ARRB1: variants seen among roughly 807,000 people sequenced by gnomAD.
The protein encoded by ARRB1 is beta-arrestin-1.
In ARRB1, 21 loss-of-function variants were observed where a neutral mutation model predicts 56.8. The ratio of observed to expected loss-of-function variants is 0.37; its 90% CI spans 0.26 to 0.53. The LOEUF is 0.53. Among genes scored for constraint, ARRB1 ranks in the 20% least tolerant of loss-of-function variants. The probability of loss-of-function intolerance (pLI) is 0.88; values close to 1 mark genes in which losing one functional copy is unlikely to be tolerated. For synonymous variants in ARRB1, 210 were observed against 218.6 expected (o/e 0.96, Z 0.35); for missense variants, 424 against 553.7 (o/e 0.77, Z 2.35).
At chr11:75,310,472 T>C (rs1947132842) in intron 1 of ARRB1, among the ~76,000 whole-genome samples, 1 of 152,158 alleles carries the variant, frequency 6.6e-6, no homozygotes, top group African/African-American at 2.4e-5. Context: ...GAGCCTTTGG[T>C]CACCATGCTA....
At chr11:75,342,467 C>T (rs1484009402) in intron 1 of ARRB1, among the ~76,000 whole-genome samples, 1 of 152,158 alleles carries the variant, frequency 6.6e-6, no homozygotes, top group Non-Finnish European at 1.5e-5. Context: ...AGTGGGGAGC[C>T]GATGGGGAGC....
chr11:75,261,914 CTG>C lies in ARRB1; in HGVS notation c.*4247_*4248del, dbSNP rs1270402235. On this transcript the variant is annotated 3_prime_UTR_variant, in exon 16 of 16. Coordinates refer to ENST00000420843, the MANE Select transcript of ARRB1 (RefSeq NM_004041.5). The stretch of plus-strand genomic sequence containing the variant: ...CATGAGACCCTATAAGAGTGTAAGA[CTG>C]GGACCTAACCCCTTCCTCCTGGATG... The C allele has an allele frequency of 6.6e-6, 1 of 152,234 alleles. No individual in the cohort carries two copies. The highest frequency in any genetic ancestry group is 1.5e-5 in the Non-Finnish European group (1 of 68,046). 9.4% of individuals were successfully genotyped at this position (152,234 alleles called of 1,614,324 possible).
intron 1 of ARRB1, among the ~76,000 whole-genome samples, chr11:75,330,231 C>T (rs1947499227): frequency 6.6e-6 from 1 of 152,198 alleles, no homozygotes; most frequent in African/African-American, 2.4e-5. Flanking sequence ...TTAGCTGAGC[C>T]TTCAATTCCT....
chr11:75,286,196 G>C (rs1946467488), intron 3 of ARRB1, among the ~76,000 whole-genome samples: 2 of 149,714 alleles, frequency 1.3e-5, no homozygotes, highest in Non-Finnish European at 3.0e-5. Flanking sequence ...CTGGACCCAG[G>C]ACAGCCCACA....
rs111731619 is a variant in ARRB1, at chr11:75,337,071, A to G, written c.20+14517T>C. On this transcript the variant is annotated intron_variant, in intron 1 of 15. Transcript: ENST00000420843. ...AGGTATTCAGGAAATGCGTGAAGGGAGAGAGGGAGATCTAAGCCTTATTTA... is the reference window on the plus strand; with the variant it reads ...AGGTATTCAGGAAATGCGTGAAGGGGGAGAGGGAGATCTAAGCCTTATTTA... 7.1e-4 allele frequency among the ~76,000 whole-genome samples: 108 copies of G among 152,376 alleles called. 1 individual carries two copies. The highest frequency in any genetic ancestry group is 2.5e-3 in the African/African-American group (105 of 41,590).
chr11:75,272,465 C>G (rs558356520), intron 12 of ARRB1, among the ~76,000 whole-genome samples: 1 of 152,318 alleles, frequency 6.6e-6, no homozygotes, highest in Non-Finnish European at 1.5e-5. Flanking sequence ...CCCAATCCAG[C>G]TCTGGGTTCT....
intron 1 of ARRB1, chr11:75,303,736 G>A: frequency 2.2e-6 from 1 of 455,796 alleles, no homozygotes; most frequent in Non-Finnish European, 4.4e-6. Context: ...CATGTGTGAT[G>A]TGCCCAGTTC....
chr11:75,266,912 G>A (rs1317743231), intron 15 of ARRB1, among the ~76,000 whole-genome samples: 1 of 152,166 alleles, frequency 6.6e-6, no homozygotes, highest in Admixed American at 6.5e-5. Context: ...TGAGGAAAGG[G>A]GAGGCTTGAG....
rs753874929 is a variant in ARRB1 at position 75,281,051 on chromosome 11, C to G, written c.482+24G>C. ...TCTCCCTCCCTCACCCAGCAGGCGG[C>G]CCACACCCTGGCATCCTACTCACCG... On this transcript the variant is annotated intron_variant, in intron 7 of 15. Coordinates refer to ENST00000420843, the MANE Select transcript of ARRB1 (RefSeq NM_004041.5). 5.0e-6 allele frequency: 8 copies of G among 1,591,562 alleles called. No individual in the cohort carries two copies. In the East Asian group the frequency reaches 1.8e-4, roughly 36 times the overall value.
chr11:75,315,911 G>A (rs1252347756), intron 1 of ARRB1, among the ~76,000 whole-genome samples: 4 of 152,148 alleles, frequency 2.6e-5, no homozygotes, highest in Admixed American at 6.5e-5. Flanking sequence ...ATACACTCAC[G>A]CCACCCCTAC....
At position 75,278,683 on chromosome 11, in the gene ARRB1, G is replaced by A. The variant is rs1349780330; in HGVS notation, c.544C>T (p.Pro182Ser). The A allele has an allele frequency of 6.2e-7, 1 of 1,614,158 alleles. No individual in the cohort carries two copies. The highest frequency in any genetic ancestry group is 1.7e-5 in the Admixed American group (1 of 60,026). The change falls in exon 8 of 16, where the codon CCC (proline) becomes TCC (serine). Residue 182 changes from proline (P) to serine (S), a missense_variant. Coordinates refer to ENST00000420843, the MANE Select transcript of ARRB1 (RefSeq NM_004041.5). ...QYAPERPGPQ[P>S]TAETTRQFLM... ...AACTGCCTGGTGGTCTCGGCTGTGG[G>A]CTGGGGGCCAGGCCTCTCTGGGGCA...
At chr11:75,280,923 A>T in intron 7 of ARRB1, 152 bp downstream of exon 7, 1 of 869,204 alleles carries the variant, frequency 1.2e-6, no homozygotes, top group Non-Finnish European at 1.8e-6. Context: ...GCCCTCCGTG[A>T]CCTCCCAGCT....
intron 1 of ARRB1, among the ~76,000 whole-genome samples, chr11:75,300,708 T>C (rs475476): frequency 0.22 from 32,814 of 151,562 alleles, 4,817 homozygotes; most frequent in Non-Finnish European, 0.32. Flanking sequence ...GGCTCACGCC[T>C]GTAATCCCAG....
rs572589971 is a variant in ARRB1 at position 75,348,638 on chromosome 11, T to A, written c.20+2950A>T. On this transcript the variant is annotated intron_variant, in intron 1 of 15. Transcript: ENST00000420843. ...TTTCAGACAGGGTCTCACTCTCTCA[T>A]CCAGGCTGGAGTGCAGTGGCATGAT... Among the ~76,000 whole-genome samples the A allele has an allele frequency of 2.8e-3, 428 of 151,870 alleles. 2 individuals carry two copies. Among genetic ancestry groups the A allele is most frequent in the Middle Eastern group, 6.8e-3 (2 of 294 alleles).
chr11:75,277,305 C>T, intron 9 of ARRB1, 59 bp downstream of exon 9: 1 of 1,541,156 alleles, frequency 6.5e-7, no homozygotes, highest in East Asian at 2.2e-5. Context: ...TCAGCCACCC[C>T]CAGCCCTTGG....
At chr11:75,299,629 C>G (rs143713138) in intron 1 of ARRB1, among the ~76,000 whole-genome samples, 60 of 152,270 alleles carry the variant, frequency 3.9e-4, no homozygotes, top group African/African-American at 1.4e-3. Flanking sequence ...GAAGCCTTCC[C>G]TGACTACCCT....
At chr11:75,307,619 C>G (rs1458480424) in intron 1 of ARRB1, among the ~76,000 whole-genome samples, 2 of 152,220 alleles carry the variant, frequency 1.3e-5, no homozygotes, top group East Asian at 3.8e-4. Context: ...TCTGCTCCCT[C>G]TCCCCAGAAG....
chr11:75,287,611 C>T (rs1054797277), intron 2 of ARRB1, among the ~76,000 whole-genome samples: 1 of 152,216 alleles, frequency 6.6e-6, no homozygotes, highest in Non-Finnish European at 1.5e-5. Context: ...CATTATTGTT[C>T]CTGTTTTACA....
At chr11:75,267,549 C>A (rs1945953507) in intron 15 of ARRB1, 103 bp downstream of exon 15, 2 of 1,223,886 alleles carry the variant, frequency 1.6e-6, no homozygotes, top group South Asian at 1.3e-5. Context: ...CGGGGTTAGA[C>A]CAGCGGCTCC....
Sources: allele counts gnomAD v4.1 joint callset (sites outside exome capture counted in the v4.1 genomes callset), GRCh38; gene constraint gnomAD v4.1.1; transcripts MANE v1.5; gene names NCBI Gene and HGNC (gene_info 2026-07-23, HGNC 2026-07-21).